The following PCDH15 variants were observed in gnomAD, a reference collection of about 807,000 sequenced individuals.
PCDH15 encodes the protein protocadherin-15.
In PCDH15, 129 loss-of-function variants were observed where a neutral mutation model predicts 178.5. The ratio of observed to expected loss-of-function variants is 0.72; its 90% CI spans 0.63 to 0.84. The LOEUF (loss-of-function observed/expected upper bound fraction) is 0.84. PCDH15 is among the 40% of genes least tolerant of loss of function. PCDH15 has a pLI of 0.00. For missense variants in PCDH15, 2,230 were observed against 2,099.9 expected, an observed-to-expected ratio of 1.06 and a Z score of -1.21; for synonymous variants, 800 against 732.0, an observed-to-expected ratio of 1.09 and a Z score of -1.50.
chr10:53,880,178 A>G (rs1486158604), intron 26 of PCDH15, among the ~76,000 whole-genome samples: 1 of 152,194 alleles, frequency 6.6e-6, no homozygotes, highest in Non-Finnish European at 1.5e-5. Context: ...GGTGTTATGC[A>G]TATTACATAT....
intron 2 of PCDH15, among the ~76,000 whole-genome samples, chr10:55,572,417 C>T (rs1026273262): frequency 2.7e-5 from 4 of 150,818 alleles, no homozygotes; most frequent in Non-Finnish European, 4.4e-5. Flanking sequence ...TATAAACCAC[C>T]TAGCTAGTAT....
intron 18 of PCDH15, among the ~76,000 whole-genome samples, chr10:54,041,522 T>G (rs2093544519): frequency 6.6e-6 from 1 of 152,012 alleles, no homozygotes; most frequent in Non-Finnish European, 1.5e-5. Flanking sequence ...ATTATTACAG[T>G]GATAAACCTA....
At chr10:53,946,908 C>T (rs1189089387) in intron 23 of PCDH15, among the ~76,000 whole-genome samples, 2 of 152,020 alleles carry the variant, frequency 1.3e-5, no homozygotes, top group East Asian at 1.9e-4. Context: ...TCCTGAGTAG[C>T]TGGGATTACA....
chr10:55,582,613 TATATATA>T (rs1842639038), intron 2 of PCDH15, among the ~76,000 whole-genome samples: 2 of 93,110 alleles, frequency 2.1e-5, no homozygotes, highest in African/African-American at 5.5e-5. Context: ...TATATATATA[TATATATA>T]TATATATATT....
At chr10:55,339,357 C>G (rs147861397) in intron 2 of PCDH15, among the ~76,000 whole-genome samples, 57 of 151,934 alleles carry the variant, frequency 3.8e-4, no homozygotes, top group African/African-American at 1.2e-3. Flanking sequence ...AACCTGCTGT[C>G]GGACCAAGGA....
intron 1 of PCDH15, among the ~76,000 whole-genome samples, chr10:54,701,850 G>A (rs2095312213): frequency 6.6e-6 from 1 of 151,942 alleles, no homozygotes; most frequent in Admixed American, 6.6e-5. Context: ...CCACACACCA[G>A]TAGTGGGAGA....
chr10:54,444,981 T>C (rs1372411719), intron 3 of PCDH15, among the ~76,000 whole-genome samples: 2 of 151,468 alleles, frequency 1.3e-5, no homozygotes, highest in Non-Finnish European at 3.0e-5. Flanking sequence ...AAGATAAATT[T>C]CTTTCTCCTA....
chr10:55,235,131 T>C (rs1270802561), intron 1 of PCDH15, among the ~76,000 whole-genome samples: 1 of 152,042 alleles, frequency 6.6e-6, no homozygotes, highest in East Asian at 1.9e-4. Context: ...TTAAAATATA[T>C]CAATTTCTGC....
chr10:54,896,445 A>C (rs1246399764), intron 3 of PCDH15, among the ~76,000 whole-genome samples: 5 of 152,114 alleles, frequency 3.3e-5, no homozygotes, highest in Non-Finnish European at 7.4e-5. Flanking sequence ...ACATGACTGA[A>C]ATAAGGAACT....
At chr10:54,972,642 G>A (rs2131895346) in intron 2 of PCDH15, among the ~76,000 whole-genome samples, 1 of 152,084 alleles carries the variant, frequency 6.6e-6, no homozygotes, top group East Asian at 1.9e-4. Context: ...GAGGTCAGGA[G>A]ATCGAAACCA....
At chr10:55,088,658 A>G (rs1842239668) in intron 2 of PCDH15, among the ~76,000 whole-genome samples, 1 of 152,284 alleles carries the variant, frequency 6.6e-6, no homozygotes, top group East Asian at 1.9e-4. Flanking sequence ...ATGTACAGGT[A>G]GAATTTATAT....
chr10:54,519,601 T>A (rs970395272), intron 3 of PCDH15, among the ~76,000 whole-genome samples: 1 of 152,092 alleles, frequency 6.6e-6, no homozygotes, highest in African/African-American at 2.4e-5. Context: ...TGCTCATGGA[T>A]AGGAAGAATC....
intron 9 of PCDH15, among the ~76,000 whole-genome samples, chr10:54,220,980 G>A (rs1226726878): frequency 2.0e-5 from 3 of 151,790 alleles, no homozygotes; most frequent in East Asian, 1.9e-4. Flanking sequence ...AACACTTAAT[G>A]TTTGTGCTTT....
chr10:53,822,772 G>A lies in PCDH15; in HGVS notation c.4368-2542C>T. ...GAGTCTGAAGAGAGAGATTTCAACTGTTCTGTTCCTTCTATCATCAGTGTT... is the reference window on the plus strand; with the variant it reads ...GAGTCTGAAGAGAGAGATTTCAACTATTCTGTTCCTTCTATCATCAGTGTT... On this transcript the variant is annotated intron_variant, in intron 32 of 37. Coordinates refer to ENST00000644397, the MANE Select transcript of PCDH15 (RefSeq NM_001384140.1). 1 of 1,613,968 alleles carries A rather than the reference G, an allele frequency of 6.2e-7. No individual in the cohort carries two copies. The highest frequency in any genetic ancestry group is 1.1e-5 in the South Asian group (1 of 90,962).
At chr10:54,036,178 G>A (rs1469020461) in intron 18 of PCDH15, among the ~76,000 whole-genome samples, 1 of 151,988 alleles carries the variant, frequency 6.6e-6, no homozygotes, top group Non-Finnish European at 1.5e-5. Flanking sequence ...TGCAGAAGGT[G>A]TTGCAGCTAG....
intron 8 of PCDH15, among the ~76,000 whole-genome samples, chr10:54,299,397 G>A (rs775439492): frequency 3.3e-5 from 5 of 151,926 alleles, no homozygotes; most frequent in Admixed American, 6.6e-5. Flanking sequence ...AAGTAGTAAA[G>A]AAAAAACAGT....
intron 2 of PCDH15, among the ~76,000 whole-genome samples, chr10:54,632,139 A>G (rs114127820): frequency 0.014 from 2,158 of 152,260 alleles, 30 homozygotes; most frequent in East Asian, 0.07. Flanking sequence ...AGCAACATGG[A>G]TGCAGCTGGA....
chr10:55,482,049 T>C (rs546041125), intron 2 of PCDH15, among the ~76,000 whole-genome samples: 1 of 152,022 alleles, frequency 6.6e-6, no homozygotes, highest in East Asian at 1.9e-4. Flanking sequence ...ATAGTAAATC[T>C]TCTTGGTGAA....
intron 15 of PCDH15, among the ~76,000 whole-genome samples, chr10:54,094,821 C>T (rs1256750731): frequency 2.6e-5 from 4 of 152,132 alleles, no homozygotes; most frequent in African/African-American, 9.7e-5. Flanking sequence ...ATTACTCTTT[C>T]CAGTCCACTC....
Sources: gnomAD v4.1 joint callset for allele counts (sites outside exome capture counted in the v4.1 genomes callset) on GRCh38, gnomAD v4.1.1 for gene constraint, MANE v1.5 for transcripts, NCBI Gene and HGNC (gene_info 2026-07-23, HGNC 2026-07-21) for gene names.